Variants in UGT8 observed in about 807,000 individuals in gnomAD.
The protein encoded by UGT8 is UDP glycosyltransferase 8, also known as 2-hydroxyacylsphingosine 1-beta-galactosyltransferase.
In UGT8, 12 loss-of-function variants were observed where a neutral mutation model predicts 40.5. The observed-to-expected ratio is 0.30, with a 90% CI of 0.19 to 0.48. UGT8 has a LOEUF of 0.48. Ranked by LOEUF, UGT8 falls within the 20% of genes least tolerant of loss-of-function variation. UGT8 has a pLI of 0.99. For synonymous variants in UGT8, 224 were observed against 240.4 expected, an observed-to-expected ratio of 0.93 and a Z score of 0.63; for missense variants, 513 against 648.7, an observed-to-expected ratio of 0.79 and a Z score of 2.27.
intron 1 of UGT8, among the ~76,000 whole-genome samples, chr4:114,616,740 TC>T (rs1731466090): frequency 6.6e-6 from 1 of 152,142 alleles, no homozygotes; most frequent in African/African-American, 2.4e-5. Context: ...CCATCTTGGC[TC>T]CCATGTATGG....
intron 5 of UGT8, among the ~76,000 whole-genome samples, chr4:114,670,430 CA>C (rs70964319): frequency 0.011 from 631 of 57,290 alleles, no homozygotes; most frequent in African/African-American, 0.056. Flanking sequence ...GACTCTGTCT[CA>C]AAAAAAAAAA....
intron 2 of UGT8, among the ~76,000 whole-genome samples, chr4:114,626,400 T>TA: frequency 6.6e-6 from 1 of 152,342 alleles, no homozygotes; most frequent in East Asian, 1.9e-4. Context: ...CCTGGTATCT[T>TA]ACACTGGGCA....
intron 2 of UGT8, among the ~76,000 whole-genome samples, chr4:114,656,485 G>A (rs1020190765): frequency 6.6e-6 from 1 of 152,124 alleles, no homozygotes; most frequent in Admixed American, 6.6e-5. Context: ...GCAAAATAAA[G>A]CAGTGTACTT....
intron 2 of UGT8, among the ~76,000 whole-genome samples, chr4:114,635,154 C>A (rs2126108920): frequency 6.6e-6 from 1 of 151,852 alleles, no homozygotes; most frequent in East Asian, 1.9e-4. Context: ...AGTTCGAGAC[C>A]AGCCTGGCCA....
chr4:114,644,153 G>A (rs1161372939), intron 2 of UGT8, among the ~76,000 whole-genome samples: 1 of 152,048 alleles, frequency 6.6e-6, no homozygotes, highest in Non-Finnish European at 1.5e-5. Flanking sequence ...TGTAAATGAT[G>A]ATAAACACAG....
intron 5 of UGT8, among the ~76,000 whole-genome samples, chr4:114,672,701 G>A (rs35217170): frequency 0.18 from 27,034 of 151,790 alleles, 2,604 homozygotes; most frequent in Middle Eastern, 0.22. Flanking sequence ...TTAGCGGATG[G>A]GTCAATAGGT....
At chr4:114,637,265 A>C (rs1322120367) in intron 2 of UGT8, among the ~76,000 whole-genome samples, 1 of 152,182 alleles carries the variant, frequency 6.6e-6, no homozygotes, top group Non-Finnish European at 1.5e-5. Context: ...CTACAATGCT[A>C]CAGTGCCTGG....
chr4:114,620,655 T>G (rs1343666906), intron 1 of UGT8, among the ~76,000 whole-genome samples: 2 of 152,228 alleles, frequency 1.3e-5, no homozygotes, highest in African/African-American at 4.8e-5. Flanking sequence ...TACTTATTCT[T>G]AATGGTATAA....
chr4:114,607,469 C>A (rs1482896493), intron 1 of UGT8, among the ~76,000 whole-genome samples: 1 of 152,012 alleles, frequency 6.6e-6, no homozygotes, highest in Non-Finnish European at 1.5e-5. Flanking sequence ...TTTGGTTGTG[C>A]CTCTTCTTCC....
intron 1 of UGT8, among the ~76,000 whole-genome samples, chr4:114,603,664 C>G (rs73846446): frequency 6.6e-6 from 1 of 152,068 alleles, no homozygotes; most frequent in South Asian, 2.1e-4. Context: ...TCTCGAGCCC[C>G]GAATAGCTCT....
At chr4:114,610,588 T>G (rs1341815323) in intron 1 of UGT8, among the ~76,000 whole-genome samples, 1 of 152,124 alleles carries the variant, frequency 6.6e-6, no homozygotes, top group Admixed American at 6.6e-5. Context: ...CTATCAAAAT[T>G]TTTCCACTTC....
intron 2 of UGT8, among the ~76,000 whole-genome samples, chr4:114,655,281 G>T (rs573800376): frequency 6.0e-4 from 92 of 152,090 alleles, no homozygotes; most frequent in African/African-American, 2.1e-3. Flanking sequence ...GGAATAGCAA[G>T]GGTCTGCAAT....
chr4:114,616,587 GGT>G (rs928097148), intron 1 of UGT8, among the ~76,000 whole-genome samples: 3 of 151,906 alleles, frequency 2.0e-5, no homozygotes, highest in African/African-American at 7.3e-5. Context: ...GCTCATGCTC[GGT>G]GTGTTGCACC....
intron 2 of UGT8, among the ~76,000 whole-genome samples, chr4:114,660,395 T>C (rs1734443619): frequency 1.3e-5 from 2 of 152,230 alleles, no homozygotes; most frequent in African/African-American, 4.8e-5. Context: ...TGATTATTCA[T>C]GTGAAACAAA....
chr4:114,607,441 G>GT (rs1314251474), intron 1 of UGT8, among the ~76,000 whole-genome samples: 1 of 151,970 alleles, frequency 6.6e-6, no homozygotes, highest in African/African-American at 2.4e-5. Flanking sequence ...ATCTGTAATG[G>GT]TAACTCCCCA....
At chr4:114,643,288 A>T (rs1411155980) in intron 2 of UGT8, among the ~76,000 whole-genome samples, 1 of 152,178 alleles carries the variant, frequency 6.6e-6, no homozygotes, top group South Asian at 2.1e-4. Context: ...ATAGTTACAC[A>T]GGTTTGGAGA....
intron 1 of UGT8, among the ~76,000 whole-genome samples, chr4:114,619,882 A>G (rs1161985008): frequency 6.6e-6 from 1 of 151,712 alleles, no homozygotes; most frequent in Non-Finnish European, 1.5e-5. Context: ...TGCATTTGAT[A>G]TGTCTGCATA....
chr4:114,607,941 T>G (rs569111089), intron 1 of UGT8, among the ~76,000 whole-genome samples: 1 of 152,338 alleles, frequency 6.6e-6, no homozygotes, highest in African/African-American at 2.4e-5. Context: ...CAGTCACTTG[T>G]CCTTACTGAC....
chr4:114,637,292 C>A (rs1411092671), intron 2 of UGT8, among the ~76,000 whole-genome samples: 1 of 152,160 alleles, frequency 6.6e-6, no homozygotes, highest in Non-Finnish European at 1.5e-5. Context: ...GCTTAACATC[C>A]TCCTGTAGGT....
Sources: allele counts gnomAD v4.1 joint callset (sites outside exome capture counted in the v4.1 genomes callset), GRCh38; gene constraint gnomAD v4.1.1; transcripts MANE v1.5; gene names NCBI Gene and HGNC (gene_info 2026-07-23, HGNC 2026-07-21).